Variants in AOAH observed in about 807,000 individuals in gnomAD.
AOAH encodes the protein acyloxyacyl hydrolase.
In AOAH, 64 loss-of-function variants were observed where a neutral mutation model predicts 92.2. That is an observed-to-expected ratio of 0.69 (90% CI 0.57 to 0.86). The LOEUF is 0.86. Among genes scored for constraint, AOAH ranks in the 40% least tolerant of loss-of-function variants. The pLI is 0.00. For synonymous variants in AOAH, 263 were observed against 254.5 expected, an observed-to-expected ratio of 1.03 and a Z score of -0.32; for missense variants, 656 against 694.6, an observed-to-expected ratio of 0.94 and a Z score of 0.62.
At chr7:36,637,728 G>A (rs1207072991) in intron 5 of AOAH, 123 bp downstream of exon 5, 13 of 826,988 alleles carry the variant, frequency 1.6e-5, no homozygotes, top group South Asian at 3.2e-5. Context: ...CCATCCCCAC[G>A]TAGCTATGGC....
At chr7:36,576,773 C>A (rs1788534149) in intron 12 of AOAH, 117 bp from the exon 13 acceptor site, 2 of 522,336 alleles carry the variant, frequency 3.8e-6, no homozygotes, top group Non-Finnish European at 6.6e-6. Flanking sequence ...CTCAAAAAAT[C>A]AAATCTCTGC....
At chr7:36,664,998 C>T (rs1584065338) in intron 3 of AOAH, among the ~76,000 whole-genome samples, 1 of 152,150 alleles carries the variant, frequency 6.6e-6, no homozygotes, top group South Asian at 2.1e-4. Context: ...TGACACTAAA[C>T]CCTTCATGAG....
intron 13 of AOAH, among the ~76,000 whole-genome samples, chr7:36,572,616 GCGACAC>G (rs1788216243): frequency 6.6e-6 from 1 of 152,130 alleles, no homozygotes; most frequent in South Asian, 2.1e-4. Flanking sequence ...GGTGGAATTA[GCGACAC>G]TGTGTCAGTG....
At chr7:36,684,906 C>CAAAAAAAAAAA (rs57827044) in intron 2 of AOAH, among the ~76,000 whole-genome samples, 5 of 60,012 alleles carry the variant, frequency 8.3e-5, no homozygotes, top group Non-Finnish European at 1.4e-4. Flanking sequence ...GACCTTGTCT[C>CAAAAAAAAAAA]AAAAAAAAAA....
chr7:36,645,980 A>T (rs1159429378), intron 4 of AOAH, among the ~76,000 whole-genome samples: 2 of 152,076 alleles, frequency 1.3e-5, no homozygotes, highest in African/African-American at 2.4e-5. Context: ...ATCGCTTCCT[A>T]TTCTCCAGGC....
intron 19 of AOAH, among the ~76,000 whole-genome samples, chr7:36,526,700 T>G (rs1231234213): frequency 6.6e-6 from 1 of 152,224 alleles, no homozygotes; most frequent in Non-Finnish European, 1.5e-5. Flanking sequence ...TTCTTCTTCT[T>G]TAATGTAGTT....
At chr7:36,676,319 A>T (rs1049179891) in intron 2 of AOAH, among the ~76,000 whole-genome samples, 1 of 152,212 alleles carries the variant, frequency 6.6e-6, no homozygotes, top group Non-Finnish European at 1.5e-5. Flanking sequence ...AGCAGAAGTG[A>T]GCAAATAAAA....
chr7:36,607,017 A>ATATC lies in AOAH; in HGVS notation c.846+9359_846+9362dup, dbSNP rs1562615223. Among the ~76,000 whole-genome samples the ATATC allele has an allele frequency of 1.3e-5, 2 of 152,182 alleles. 1 individual carries two copies. The highest frequency in any genetic ancestry group is 1.3e-4 in the Admixed American group (2 of 15,286). On this transcript the variant is annotated intron_variant, in intron 11 of 20. Coordinates refer to ENST00000617537, the MANE Select transcript of AOAH (RefSeq NM_001637.4). ...TCATACTCTCTTTATTGAACTACAA[A>ATATC]TATCTTTCCAGATGAATACACTCCT...
At chr7:36,601,215 T>C (rs560160919) in intron 11 of AOAH, among the ~76,000 whole-genome samples, 2 of 152,332 alleles carry the variant, frequency 1.3e-5, no homozygotes, top group South Asian at 2.1e-4. Flanking sequence ...GGCTTTAATA[T>C]AGACAACTTC....
At chr7:36,546,248 A>T (rs1785793389) in intron 15 of AOAH, among the ~76,000 whole-genome samples, 1 of 152,240 alleles carries the variant, frequency 6.6e-6, no homozygotes, top group Non-Finnish European at 1.5e-5. Context: ...GAAAAGAAAA[A>T]CGTCAAGCAA....
intron 13 of AOAH, among the ~76,000 whole-genome samples, chr7:36,571,418 C>G (rs1788141226): frequency 6.6e-6 from 1 of 152,232 alleles, no homozygotes; most frequent in African/African-American, 2.4e-5. Flanking sequence ...CAAGGCTGCT[C>G]TCCAGCCCCT....
intron 1 of AOAH, among the ~76,000 whole-genome samples, chr7:36,704,775 C>T (rs1803540115): frequency 6.6e-6 from 1 of 152,144 alleles, no homozygotes; most frequent in Admixed American, 6.5e-5. Context: ...TCCAGTAGCA[C>T]ATTAAAAAGC....
At chr7:36,615,969 C>T (rs548297719) in intron 11 of AOAH, among the ~76,000 whole-genome samples, 262 of 152,160 alleles carry the variant, frequency 1.7e-3, no homozygotes, top group Admixed American at 3.0e-3. Context: ...TGATGCCTTC[C>T]GTGGAGCACA....
At chr7:36,593,255 G>C (rs1789875610) in intron 12 of AOAH, among the ~76,000 whole-genome samples, 1 of 152,238 alleles carries the variant, frequency 6.6e-6, no homozygotes, top group Non-Finnish European at 1.5e-5. Context: ...ATCTGTGCCT[G>C]ATTAGGTGGT....
chr7:36,555,617 G>C (rs928630858), intron 13 of AOAH, among the ~76,000 whole-genome samples: 8 of 151,878 alleles, frequency 5.3e-5, no homozygotes, highest in African/African-American at 1.7e-4. Flanking sequence ...TCTGGTCCTG[G>C]ACTCTTTTTG....
At chr7:36,514,358 G>C in intron 20 of AOAH, 1 of 749,408 alleles carries the variant, frequency 1.3e-6, no homozygotes, top group South Asian at 1.8e-5. Flanking sequence ...GACTGGGTGG[G>C]GGGTGGGATC....
chr7:36,635,574 G>A lies in AOAH; in HGVS notation c.450+2277C>T, dbSNP rs563604620. Among the ~76,000 whole-genome samples, 28 of 152,102 alleles carry A rather than the reference G, an allele frequency of 1.8e-4. No homozygotes were observed. In the East Asian group the frequency reaches 1.9e-3, roughly 11 times the overall value. On this transcript the variant is annotated intron_variant, in intron 5 of 20. Coordinates refer to ENST00000617537, the MANE Select transcript of AOAH (RefSeq NM_001637.4). ...GGCTTCCCAGATGATTCTATTGAGC[G>A]GGTGGGTTTGTGATCAGGGCTGTCA... is the stretch of plus-strand genomic sequence containing the variant.
At chr7:36,667,112 C>G (rs1285952399) in intron 3 of AOAH, among the ~76,000 whole-genome samples, 1 of 152,066 alleles carries the variant, frequency 6.6e-6, no homozygotes, top group Non-Finnish European at 1.5e-5. Context: ...CTACAGTAGT[C>G]CCCCCTTATC....
At chr7:36,576,772 T>C (rs1303375309) in intron 12 of AOAH, 116 bp from the exon 13 acceptor site, 3 of 529,982 alleles carry the variant, frequency 5.7e-6, no homozygotes, top group Non-Finnish European at 9.7e-6. Flanking sequence ...ACTCAAAAAA[T>C]CAAATCTCTG....
Sources: gnomAD v4.1 joint callset for allele counts (sites outside exome capture counted in the v4.1 genomes callset) on GRCh38, gnomAD v4.1.1 for gene constraint, MANE v1.5 for transcripts, NCBI Gene and HGNC (gene_info 2026-07-23, HGNC 2026-07-21) for gene names.